The following DDX10 variants were observed in gnomAD, a reference collection of about 807,000 sequenced individuals.
DDX10 encodes the protein probable ATP-dependent RNA helicase DDX10.
In DDX10, 74 loss-of-function variants were observed where a neutral mutation model predicts 104.3. The observed-to-expected ratio is 0.71, with a 90% confidence interval of 0.59 to 0.86. The LOEUF is 0.86. Ranked by LOEUF, DDX10 falls within the 40% of genes least tolerant of loss-of-function variation. The pLI is 0.00. For synonymous variants in DDX10, 351 were observed against 353.4 expected (o/e 0.99, Z 0.08); for missense variants, 952 against 1,040.0 (o/e 0.92, Z 1.16).
At chr11:108,843,585 C>A (rs888555847) in intron 15 of DDX10, among the ~76,000 whole-genome samples, 1 of 151,728 alleles carries the variant, frequency 6.6e-6, no homozygotes, top group Admixed American at 6.6e-5. Flanking sequence ...TAGTGAAACC[C>A]CATCTACTAA....
intron 13 of DDX10, among the ~76,000 whole-genome samples, chr11:108,762,742 G>A (rs2094352153): frequency 6.6e-6 from 1 of 152,056 alleles, no homozygotes; most frequent in East Asian, 1.9e-4. Flanking sequence ...TTTCATTTAT[G>A]TAAAAATTAT....
chr11:108,797,414 T>G (rs1861959765), intron 13 of DDX10, among the ~76,000 whole-genome samples: 1 of 152,176 alleles, frequency 6.6e-6, no homozygotes, highest in African/African-American at 2.4e-5. Context: ...TGCATCTGAT[T>G]TAGGGCATTC....
chr11:108,667,849 T>A (rs1418411675), intron 1 of DDX10, among the ~76,000 whole-genome samples: 1 of 152,212 alleles, frequency 6.6e-6, no homozygotes, highest in South Asian at 2.1e-4. Flanking sequence ...CTGTAGCATT[T>A]TGTAGATACC....
intron 13 of DDX10, chr11:108,730,041 C>T (rs565305294): frequency 6.5e-6 from 1 of 153,230 alleles, no homozygotes; most frequent in South Asian, 2.1e-4. Context: ...GCATGAAGTT[C>T]CACTTTGGCA....
chr11:108,799,533 C>A (rs946422369), intron 13 of DDX10, among the ~76,000 whole-genome samples: 1 of 152,146 alleles, frequency 6.6e-6, no homozygotes, highest in African/African-American at 2.4e-5. Context: ...TTAGTTTTCC[C>A]AAGGTTGGTA....
intron 13 of DDX10, among the ~76,000 whole-genome samples, chr11:108,801,462 T>A (rs1402228487): frequency 6.6e-6 from 1 of 152,348 alleles, no homozygotes; most frequent in East Asian, 1.9e-4. Context: ...TAGCTTGTCA[T>A]GTGTAAAGAA....
chr11:108,829,140 A>T (rs1431917487), intron 13 of DDX10, among the ~76,000 whole-genome samples: 1 of 152,174 alleles, frequency 6.6e-6, no homozygotes, highest in East Asian at 1.9e-4. Context: ...AAGTACATCA[A>T]ATGGATCTAC....
At chr11:108,713,043 T>C (rs1047453637) in intron 10 of DDX10, among the ~76,000 whole-genome samples, 5 of 152,184 alleles carry the variant, frequency 3.3e-5, no homozygotes, top group African/African-American at 4.8e-5. Flanking sequence ...TTCCTGTCTT[T>C]GTTCCTCTAT....
intron 9 of DDX10, among the ~76,000 whole-genome samples, chr11:108,702,037 T>A (rs1413921329): frequency 1.3e-5 from 2 of 152,118 alleles, no homozygotes; most frequent in East Asian, 3.8e-4. Context: ...CACCAAATAT[T>A]TGTTGTGCAT....
At chr11:108,858,235 C>A (rs543947415) in intron 16 of DDX10, among the ~76,000 whole-genome samples, 34 of 152,054 alleles carry the variant, frequency 2.2e-4, no homozygotes, top group Non-Finnish European at 4.1e-4. Flanking sequence ...TCCTTCAGGC[C>A]GACTCATGAC....
At chr11:108,834,122 ATT>A (rs544463476) in intron 13 of DDX10, among the ~76,000 whole-genome samples, 32 of 139,298 alleles carry the variant, frequency 2.3e-4, no homozygotes, top group Non-Finnish European at 2.0e-4. Context: ...AGCCTGGCTA[ATT>A]TTTTTTTTTT....
At chr11:108,930,302 G>A (rs1243623809) in intron 17 of DDX10, among the ~76,000 whole-genome samples, 2 of 152,114 alleles carry the variant, frequency 1.3e-5, no homozygotes, top group Non-Finnish European at 2.9e-5. Flanking sequence ...TATTTTTAAG[G>A]TTCCGCTATA....
intron 1 of DDX10, among the ~76,000 whole-genome samples, chr11:108,668,021 G>A (rs1692607099): frequency 6.6e-6 from 1 of 152,206 alleles, no homozygotes; most frequent in South Asian, 2.1e-4. Flanking sequence ...TTGAATAGGT[G>A]CTCAGTCAGT....
At chr11:108,692,596 A>G (rs892496911) in intron 8 of DDX10, among the ~76,000 whole-genome samples, 1 of 152,234 alleles carries the variant, frequency 6.6e-6, no homozygotes, top group African/African-American at 2.4e-5. Context: ...TCCTTCAGTC[A>G]CTTAATTTTA....
chr11:108,738,991 A>G (rs1312743549), intron 13 of DDX10, among the ~76,000 whole-genome samples: 1 of 152,162 alleles, frequency 6.6e-6, no homozygotes, highest in Non-Finnish European at 1.5e-5. Context: ...ATTGTTATTA[A>G]GACTGCTAGC....
chr11:108,805,718 T>C (rs1166216690), intron 13 of DDX10, among the ~76,000 whole-genome samples: 1 of 152,160 alleles, frequency 6.6e-6, no homozygotes, highest in Non-Finnish European at 1.5e-5. Flanking sequence ...GATAACAAAT[T>C]TCTTGGGGTC....
intron 13 of DDX10, among the ~76,000 whole-genome samples, chr11:108,750,769 T>C (rs2094337493): frequency 6.7e-6 from 1 of 149,572 alleles, no homozygotes; most frequent in Non-Finnish European, 1.5e-5. Context: ...AACTTTTTTC[T>C]TTTTTTTTGA....
At chr11:108,673,560 G>T in intron 2 of DDX10, 33 bp downstream of exon 2, 1 of 1,476,374 alleles carries the variant, frequency 6.8e-7, no homozygotes. Context: ...ATGTGTTATT[G>T]GATTTCTTGG....
chr11:108,781,376 C>A (rs2134539554), intron 13 of DDX10, among the ~76,000 whole-genome samples: 1 of 152,252 alleles, frequency 6.6e-6, no homozygotes, highest in Non-Finnish European at 1.5e-5. Context: ...CATGTGAGTG[C>A]ATGTGTCTTT....
Sources: allele counts gnomAD v4.1 joint callset (sites outside exome capture counted in the v4.1 genomes callset), GRCh38; gene constraint gnomAD v4.1.1; transcripts MANE v1.5; gene names NCBI Gene and HGNC (gene_info 2026-07-23, HGNC 2026-07-21).